INSC: variants seen among roughly 807,000 people sequenced by gnomAD.
INSC encodes the protein INSC spindle orientation adaptor protein, also known as protein inscuteable homolog.
A neutral mutation model predicts 58.6 loss-of-function variants in INSC; 67 were observed. The observed-to-expected ratio is 1.14, with a 90% CI of 0.94 to 1.40. INSC has a LOEUF of 1.40. INSC is among the 40% of genes most tolerant of loss of function. The pLI is 0.00. For synonymous variants in INSC, 262 were observed against 276.1 expected (o/e 0.95, Z 0.51); for missense variants, 714 against 692.0 (o/e 1.03, Z -0.36).
At chr11:15,215,578 T>C (rs1021622649) in intron 7 of INSC, among the ~76,000 whole-genome samples, 2 of 152,246 alleles carry the variant, frequency 1.3e-5, no homozygotes, top group African/African-American at 2.4e-5. Context: ...GCCTAGGTAA[T>C]CTCATCTCCT....
intron 7 of INSC, among the ~76,000 whole-genome samples, chr11:15,220,139 T>A (rs1220918683): frequency 6.6e-6 from 1 of 152,100 alleles, no homozygotes; most frequent in Non-Finnish European, 1.5e-5. Flanking sequence ...CAGAACTCAG[T>A]GGTGATAATT....
At chr11:15,233,447 G>A (rs1045600115) in intron 9 of INSC, among the ~76,000 whole-genome samples, 2 of 152,166 alleles carry the variant, frequency 1.3e-5, no homozygotes, top group East Asian at 1.9e-4. Context: ...ACACAAGGAT[G>A]TTTCACAAGG....
chr11:15,201,395 T>C (rs1412566942), intron 7 of INSC, among the ~76,000 whole-genome samples: 1 of 152,032 alleles, frequency 6.6e-6, no homozygotes, highest in Non-Finnish European at 1.5e-5. Context: ...GTGGGGCTCC[T>C]CTCCACTAAA....
At chr11:15,234,959 C>T (rs1436244800) in intron 9 of INSC, among the ~76,000 whole-genome samples, 1 of 152,202 alleles carries the variant, frequency 6.6e-6, no homozygotes, top group Non-Finnish European at 1.5e-5. Context: ...GGTGTCAATA[C>T]CCCATTTCCT....
At position 15,225,743 on chromosome 11, in the gene INSC, T is replaced by C. The variant is rs371612867; in HGVS notation, c.1085T>C (p.Met362Thr). The C allele has an allele frequency of 6.2e-7, 1 of 1,613,906 alleles. No individual in the cohort carries two copies. The highest frequency in any genetic ancestry group is 8.5e-7 in the Non-Finnish European group (1 of 1,179,992). The change falls in exon 9 of 13, where the codon ATG becomes ACG. Residue 362 changes from methionine to threonine, a missense_variant. Coordinates refer to ENST00000379556, the MANE Select transcript of INSC (RefSeq NM_001042536.3). ...ITFFDTMACE[M>T]LLQLNAIRVL... ...TTCTTTGACACAATGGCCTGCGAGA[T>C]GCTCCTGCAGTTGAATGCCATCCGT... is the stretch of plus-strand genomic sequence containing the variant.
upstream of INSC, chr11:15,112,643 G>T: frequency 5.2e-6 from 1 of 192,314 alleles, no homozygotes; most frequent in Non-Finnish European, 9.3e-6. Flanking sequence ...TGTGTATTGG[G>T]AAGTGGGGGG....
chr11:15,230,009 ATAT>A (rs1564917841), intron 9 of INSC, among the ~76,000 whole-genome samples: 2 of 26,624 alleles, frequency 7.5e-5, no homozygotes, highest in South Asian at 1.5e-3. Context: ...ATATATATAT[ATAT>A]AATATATATA....
At chr11:15,230,120 A>G (rs1178216173) in intron 9 of INSC, among the ~76,000 whole-genome samples, 1 of 139,324 alleles carries the variant, frequency 7.2e-6, no homozygotes, top group Non-Finnish European at 1.5e-5. Context: ...AGCCCGGGAA[A>G]TGGAGGTTAC....
intron 5 of INSC, among the ~76,000 whole-genome samples, chr11:15,189,375 ATT>A: frequency 1.6e-4 from 1 of 6,216 alleles, no homozygotes; most frequent in East Asian, 0.083. Flanking sequence ...TTGTTTATTT[ATT>A]TATTTATTTA....
rs760200475 is a variant in INSC at position 15,200,809 on chromosome 11, T to G, written c.694-15T>G. 2 of 1,613,972 alleles carry G rather than the reference T, an allele frequency of 1.2e-6. No homozygotes were observed. The highest frequency in any genetic ancestry group is 1.1e-5 in the South Asian group (1 of 91,070). ...TCACACAGTAAGATGATGTGACATTTCTTTCTCTTGGCAGGAGGGTGGGGT... is the reference window on the plus strand; with the variant it reads ...TCACACAGTAAGATGATGTGACATTGCTTTCTCTTGGCAGGAGGGTGGGGT... On this transcript the variant is annotated splice_polypyrimidine_tract_variant and intron_variant, in intron 6 of 12. Transcript: ENST00000379556.
intron 2 of INSC, among the ~76,000 whole-genome samples, chr11:15,174,513 T>A (rs1426084527): frequency 6.6e-6 from 1 of 152,256 alleles, no homozygotes; most frequent in Non-Finnish European, 1.5e-5. Flanking sequence ...CTTAGAACAA[T>A]ACTTGACATG....
chr11:15,240,620 C>A (rs1852312216), intron 12 of INSC, 97 bp downstream of exon 12: 13 of 874,808 alleles, frequency 1.5e-5, no homozygotes, highest in South Asian at 1.4e-4. Context: ...CTTCAGTAAG[C>A]CATAAAACCT....
At chr11:15,185,252 T>C (rs1468424234) in intron 5 of INSC, among the ~76,000 whole-genome samples, 3 of 152,200 alleles carry the variant, frequency 2.0e-5, no homozygotes, top group Non-Finnish European at 2.9e-5. Context: ...TTAAGCAATG[T>C]AGTACACAAA....
At position 15,229,967 on chromosome 11, in the gene INSC, TATATATA is replaced by T. The variant is rs1564917033; in HGVS notation, c.1170+4140_1170+4146del. ...ATAATATTATATATATATTTATATATATATATATATATTATATATATATATATATATA... is the reference window on the plus strand; with the variant it reads ...ATAATATTATATATATATTTATATATTATATTATATATATATATATATATA... On this transcript the variant is annotated intron_variant, in intron 9 of 12. Coordinates refer to ENST00000379556, the MANE Select transcript of INSC (RefSeq NM_001042536.3). Among the ~76,000 whole-genome samples the T allele has an allele frequency of 9.6e-5, 2 of 20,884 alleles. 1 individual carries two copies. The highest frequency in any genetic ancestry group is 3.4e-3 in the East Asian group (2 of 596). 13.7% of individuals were successfully genotyped at this position (20,884 alleles called of 152,430 possible).
intron 6 of INSC, among the ~76,000 whole-genome samples, chr11:15,192,715 C>T (rs1431579634): frequency 6.6e-6 from 1 of 152,142 alleles, no homozygotes; most frequent in African/African-American, 2.4e-5. Flanking sequence ...AATGGGTCAT[C>T]CTGTGTCCAG....
chr11:15,157,474 G>T (rs557558704), intron 2 of INSC, among the ~76,000 whole-genome samples: 3 of 152,318 alleles, frequency 2.0e-5, no homozygotes, highest in African/African-American at 7.2e-5. Flanking sequence ...CGAAGTTTAT[G>T]GCTGAGGACA....
intron 1 of INSC, among the ~76,000 whole-genome samples, chr11:15,146,332 C>T (rs2133739262): frequency 6.6e-6 from 1 of 152,322 alleles, no homozygotes; most frequent in South Asian, 2.1e-4. Context: ...CCTAATCCCA[C>T]ATTCAGCAAG....
chr11:15,137,049 T>C (rs372241658), intron 1 of INSC, among the ~76,000 whole-genome samples: 1 of 152,256 alleles, frequency 6.6e-6, no homozygotes, highest in East Asian at 1.9e-4. Context: ...ATGTTAGCAG[T>C]GTGAAAACAT....
intron 2 of INSC, among the ~76,000 whole-genome samples, chr11:15,150,054 A>G (rs1231008619): frequency 6.6e-6 from 1 of 152,176 alleles, no homozygotes; most frequent in Non-Finnish European, 1.5e-5. Flanking sequence ...TTTTTTCACA[A>G]TGTCTTCATC....
Sources: gnomAD v4.1 joint callset for allele counts (sites outside exome capture counted in the v4.1 genomes callset) on GRCh38, gnomAD v4.1.1 for gene constraint, MANE v1.5 for transcripts, NCBI Gene and HGNC (gene_info 2026-07-23, HGNC 2026-07-21) for gene names.